The following SOD2 variants were observed in gnomAD, a reference collection of about 807,000 sequenced individuals.
SOD2 encodes superoxide dismutase [Mn], mitochondrial.
In SOD2, 11 loss-of-function variants were observed where a neutral mutation model predicts 27.0. The ratio of observed to expected loss-of-function variants is 0.41; its 90% CI spans 0.26 to 0.67. The LOEUF is 0.67. Among genes scored for constraint, SOD2 ranks in the 30% least tolerant of loss-of-function variants. The pLI, the probability that SOD2 is intolerant of heterozygous loss-of-function variation, is 0.34. For synonymous variants in SOD2, 105 were observed against 103.0 expected (o/e 1.02, Z -0.12); for missense variants, 250 against 274.5 (o/e 0.91, Z 0.63).
chr6:159,755,873 G>T, intron 1 of SOD2: 1 of 448,870 alleles, frequency 2.2e-6, no homozygotes, highest in Non-Finnish European at 3.4e-6. Flanking sequence ...GTAGGGTCAA[G>T]TTATTTTTAT....
At chr6:159,735,364 C>T (rs1042843991) in intron 1 of SOD2, among the ~76,000 whole-genome samples, 2 of 152,208 alleles carry the variant, frequency 1.3e-5, no homozygotes, top group Non-Finnish European at 2.9e-5. Flanking sequence ...TTGTCTTGAA[C>T]TTCTGACCTC....
rs1777795927 is a variant in SOD2, at chr6:159,712,006, CA to C, written c.-116+15122del. On this transcript the variant is annotated intron_variant, in intron 1 of 2. Transcript: ENST00000401980. ...CTCACACTGCTCAGACCTCCATAACCACCTCCATAACCACCACTCACACTGC... is the reference window on the plus strand; with the variant it reads ...CTCACACTGCTCAGACCTCCATAACCCCTCCATAACCACCACTCACACTGC... Among the ~76,000 whole-genome samples the C allele has an allele frequency of 2.5e-5, 2 of 78,804 alleles. 1 individual carries two copies. The highest frequency in any genetic ancestry group is 5.3e-5 in the Non-Finnish European group (2 of 37,714). 51.7% of individuals were successfully genotyped at this position (78,804 alleles called of 152,430 possible). A position where few individuals can be genotyped will look rare whatever the true frequency, so the allele number is the denominator to read the frequency against.
rs1583041588 is a variant in SOD2, at chr6:159,713,774, G to C, written c.-116+13355C>G. The C allele has an allele frequency of 1.1e-5, 11 of 963,530 alleles. No individual in the cohort carries two copies. The Middle Eastern group carries it at 1.7e-3, about 149-fold the overall frequency. 59.7% of individuals were successfully genotyped at this position (963,530 alleles called of 1,614,324 possible). On this transcript the variant is annotated intron_variant, in intron 1 of 2. Transcript: ENST00000401980. ...CGTATCTGTGTCCCATGGTTTCTCT[G>C]TCTTTAAAGCCAATTTCGCTTCATC... is the stretch of plus-strand genomic sequence containing the variant.
chr6:159,739,226 C>A (rs1779097509), intron 1 of SOD2, among the ~76,000 whole-genome samples: 1 of 152,130 alleles, frequency 6.6e-6, no homozygotes, highest in Non-Finnish European at 1.5e-5. Context: ...AAACGTAACA[C>A]TTTAAAGAAC....
At chr6:159,723,739 AC>A (rs1383648491) in intron 1 of SOD2, among the ~76,000 whole-genome samples, 1 of 143,508 alleles carries the variant, frequency 7.0e-6, no homozygotes, top group East Asian at 2.2e-4. Flanking sequence ...CTTTCAGTCC[AC>A]AGAACTAGGA....
upstream of SOD2, among the ~76,000 whole-genome samples, chr6:159,746,967 A>C (rs921736987): frequency 2.6e-5 from 4 of 152,190 alleles, no homozygotes; most frequent in African/African-American, 9.6e-5. Flanking sequence ...AGTGCACTGT[A>C]AGTCATGGTT....
At chr6:159,724,729 G>A (rs1778106632) in intron 1 of SOD2, among the ~76,000 whole-genome samples, 1 of 152,002 alleles carries the variant, frequency 6.6e-6, no homozygotes, top group Admixed American at 6.6e-5. Flanking sequence ...GCACATGCCT[G>A]TGGTCCCAGC....
intron 1 of SOD2, among the ~76,000 whole-genome samples, chr6:159,709,994 A>C (rs1777700298): frequency 1.3e-5 from 2 of 151,598 alleles, no homozygotes; most frequent in Admixed American, 6.6e-5. Flanking sequence ...GGAAACCATC[A>C]TTCTCAGCAA....
chr6:159,761,953 A>T (rs1411445489), exon 1 of SOD2: 1 of 999,852 alleles, frequency 1.0e-6, no homozygotes, highest in Non-Finnish European at 1.5e-6. Context: ...ATGCGCGGGG[A>T]GGTGGTGCGC....
chr6:159,695,204 T>C (rs977413258), upstream of SOD2, among the ~76,000 whole-genome samples: 7 of 152,168 alleles, frequency 4.6e-5, no homozygotes, highest in Admixed American at 4.6e-4. Context: ...TGGAAAGACT[T>C]GATCTAGTGA....
intron 1 of SOD2, among the ~76,000 whole-genome samples, chr6:159,757,434 C>T (rs1338963460): frequency 9.5e-5 from 14 of 147,158 alleles, no homozygotes; most frequent in Middle Eastern, 3.5e-3. Flanking sequence ...TTTTTTTTGC[C>T]GAGAGTCTCG....
chr6:159,755,007 G>A (rs185582589), intron 1 of SOD2: 120 of 1,573,770 alleles, frequency 7.6e-5, no homozygotes, highest in African/African-American at 7.1e-4. Context: ...ATTAAAGTTG[G>A]TCTGACTCTC....
intron 1 of SOD2, among the ~76,000 whole-genome samples, chr6:159,717,373 C>T (rs1476042761): frequency 6.6e-6 from 1 of 152,042 alleles, no homozygotes; most frequent in African/African-American, 2.4e-5. Context: ...CCTCAGTATC[C>T]CAAAGTTCTA....
chr6:159,726,676 C>A, intron 1 of SOD2: 1 of 893,950 alleles, frequency 1.1e-6, no homozygotes, highest in Non-Finnish European at 1.5e-6. Flanking sequence ...TCCCCGTGTT[C>A]CAGTTAGCAA....
intron 1 of SOD2, chr6:159,720,613 T>G (rs1362516146): frequency 1.3e-5 from 2 of 152,352 alleles, no homozygotes; most frequent in East Asian, 1.9e-4. Context: ...ATACTGAAAC[T>G]GAGACTATAG....
At chr6:159,708,471 A>T (rs1045222840) in intron 1 of SOD2, among the ~76,000 whole-genome samples, 5 of 152,224 alleles carry the variant, frequency 3.3e-5, no homozygotes, top group African/African-American at 1.2e-4. Context: ...CTTATACATC[A>T]ATAACAGACA....
chr6:159,737,095 T>C (rs1170346212), intron 1 of SOD2, among the ~76,000 whole-genome samples: 1 of 152,236 alleles, frequency 6.6e-6, no homozygotes, highest in African/African-American at 2.4e-5. Context: ...TTGCCCAGGT[T>C]GGAGTGCAGT....
chr6:159,758,504 C>CT (rs1247215060), intron 1 of SOD2, among the ~76,000 whole-genome samples: 2 of 152,216 alleles, frequency 1.3e-5, no homozygotes, highest in East Asian at 3.8e-4. Flanking sequence ...TGACAACTTA[C>CT]TTTCTCAGAT....
In SOD2 at chr6:159,679,494, C is replaced by CT. The variant is rs1779857882; in HGVS notation, c.*2998dup. 6.6e-6 allele frequency: 1 copy of CT among 152,234 alleles called. No homozygotes were observed. The highest frequency in any genetic ancestry group is 2.4e-5 in the African/African-American group (1 of 41,468). The allele number at this position is 152,234 out of a possible 1,614,324, so 9.4% of individuals were successfully genotyped here. On this transcript the variant is annotated 3_prime_UTR_variant, in exon 5 of 5. Transcript: ENST00000538183. ...GCGCTCAATAGAAATTCAAATCTCA[C>CT]TTTAAGACCATGAATTTCAAGTTGC... is the stretch of plus-strand genomic sequence containing the variant.
Sources: gnomAD v4.1 joint callset for allele counts (sites outside exome capture counted in the v4.1 genomes callset) on GRCh38, gnomAD v4.1.1 for gene constraint, MANE v1.5 for transcripts, NCBI Gene and HGNC (gene_info 2026-07-23, HGNC 2026-07-21) for gene names.